Variants in NCKAP5 observed in about 807,000 individuals in gnomAD.
NCKAP5 encodes the protein nck-associated protein 5.
NCKAP5 carries 92 observed loss-of-function variants against 167.0 expected under a neutral mutation model. The observed-to-expected ratio is 0.55, with a 90% CI of 0.47 to 0.66. The LOEUF is 0.66. Ranked by LOEUF, NCKAP5 falls within the 30% of genes least tolerant of loss-of-function variation. The pLI is 0.00. For synonymous variants in NCKAP5, 891 were observed against 877.4 expected (o/e 1.02, Z -0.27); for missense variants, 2,378 against 2,315.0 (o/e 1.03, Z -0.56).
intron 6 of NCKAP5, among the ~76,000 whole-genome samples, chr2:132,997,804 G>GAA (rs200708394): frequency 2.3e-4 from 34 of 148,390 alleles, no homozygotes; most frequent in African/African-American, 4.9e-4. Flanking sequence ...AAGCTTATGT[G>GAA]AAAAAAAAAA....
the NCKAP5 span, among the ~76,000 whole-genome samples, chr2:133,630,807 A>G: frequency 6.6e-6 from 1 of 152,188 alleles, no homozygotes; most frequent in Non-Finnish European, 1.5e-5. Context: ...CAGACCAGAA[A>G]AACAGATTCT....
intron 6 of NCKAP5, among the ~76,000 whole-genome samples, chr2:133,034,260 C>A (rs1051904750): frequency 2.0e-5 from 3 of 152,056 alleles, no homozygotes; most frequent in African/African-American, 7.2e-5. Flanking sequence ...AATAGTATAT[C>A]CATTGAAAAT....
intron 6 of NCKAP5, among the ~76,000 whole-genome samples, chr2:133,069,451 C>T (rs2080312775): frequency 6.6e-6 from 1 of 152,204 alleles, no homozygotes; most frequent in Admixed American, 6.5e-5. Flanking sequence ...ATGTTCCGGA[C>T]TTTCCCCTCT....
rs962576317 is a variant in NCKAP5, at chr2:133,192,598, G to A, written c.207+21118C>T. 2.6e-5 allele frequency among the ~76,000 whole-genome samples: 4 copies of A among 151,858 alleles called. 1 individual carries two copies. The highest frequency in any genetic ancestry group is 4.2e-4 in the South Asian group (2 of 4,792). On this transcript the variant is annotated intron_variant, in intron 5 of 19. Coordinates refer to ENST00000409261, the MANE Select transcript of NCKAP5 (RefSeq NM_207363.3). Reference sequence around the variant, plus strand: ...AATTAGAAAACGGGCAAAAAGACATGTAGAGACATTTCAAAGATTATACAC... The same window carrying A: ...AATTAGAAAACGGGCAAAAAGACATATAGAGACATTTCAAAGATTATACAC...
intron 3 of NCKAP5, among the ~76,000 whole-genome samples, chr2:133,325,472 G>A (rs772987653): frequency 3.3e-5 from 5 of 152,162 alleles, no homozygotes; most frequent in Non-Finnish European, 5.9e-5. Context: ...TCCATGTACT[G>A]CAACTCATTT....
intron 4 of NCKAP5, among the ~76,000 whole-genome samples, chr2:133,222,685 G>A (rs1043294592): frequency 6.6e-6 from 1 of 150,888 alleles, no homozygotes; most frequent in Non-Finnish European, 1.5e-5. Context: ...GAGGCTCCTG[G>A]TCAACATTGC....
intron 3 of NCKAP5, among the ~76,000 whole-genome samples, chr2:133,398,406 C>A (rs1687892230): frequency 6.6e-6 from 1 of 152,096 alleles, no homozygotes; most frequent in African/African-American, 2.4e-5. Context: ...ACGTTCTGCT[C>A]ATGTCTCTTA....
chr2:132,913,915 A>T (rs1694655368), intron 8 of NCKAP5, among the ~76,000 whole-genome samples: 1 of 152,146 alleles, frequency 6.6e-6, no homozygotes, highest in Non-Finnish European at 1.5e-5. Flanking sequence ...AAAATAATGG[A>T]ATTCAGATTT....
chr2:133,363,135 G>T (rs893859072), intron 3 of NCKAP5, among the ~76,000 whole-genome samples: 1 of 152,070 alleles, frequency 6.6e-6, no homozygotes, highest in Admixed American at 6.5e-5. Context: ...ATTTTGTGAG[G>T]TAAAATTGAG....
Position 133,180,320 on chromosome 2 carries a change from G to GT in NCKAP5, c.207+33395dup, listed in dbSNP as rs57925889. Among the ~76,000 whole-genome samples the GT allele has an allele frequency of 1.1e-3, 163 of 150,832 alleles. 1 individual carries two copies. Among genetic ancestry groups the GT allele is most frequent in the Non-Finnish European group, 1.8e-3 (123 of 67,616 alleles). On this transcript the variant is annotated intron_variant, in intron 5 of 19. Coordinates refer to ENST00000409261, the MANE Select transcript of NCKAP5 (RefSeq NM_207363.3). ...TTATCCTAAAAGAATGATTAAAGAC[G>GT]TTTTTTTTTCCTTTTCTTTTCTTTC...
At chr2:132,730,847 C>T (rs558993744) in intron 17 of NCKAP5, among the ~76,000 whole-genome samples, 11 of 152,284 alleles carry the variant, frequency 7.2e-5, no homozygotes, top group East Asian at 1.9e-4. Flanking sequence ...AAGTTTGTGA[C>T]GCAACATTCG....
intron 3 of NCKAP5, among the ~76,000 whole-genome samples, chr2:133,357,471 C>A (rs1241899827): frequency 6.6e-6 from 1 of 152,112 alleles, no homozygotes; most frequent in East Asian, 1.9e-4. Context: ...AGAATAATTT[C>A]TGTAATACAA....
the NCKAP5 span, among the ~76,000 whole-genome samples, chr2:133,640,240 A>G: frequency 2.0e-5 from 3 of 152,180 alleles, no homozygotes; most frequent in African/African-American, 7.2e-5. Flanking sequence ...CCTTTACTAT[A>G]TTATTCTATA....
chr2:132,779,116 T>C (rs1682798683), intron 15 of NCKAP5, among the ~76,000 whole-genome samples: 1 of 152,222 alleles, frequency 6.6e-6, no homozygotes, highest in African/African-American at 2.4e-5. Context: ...CGTTAGGGAA[T>C]CTTTGTACTT....
chr2:132,978,811 T>G (rs551595067), intron 7 of NCKAP5, among the ~76,000 whole-genome samples: 2 of 152,328 alleles, frequency 1.3e-5, no homozygotes, highest in Admixed American at 1.3e-4. Flanking sequence ...CTTTATAGAC[T>G]TCTGCCCACA....
At chr2:133,465,375 A>C (rs1246546999) in intron 3 of NCKAP5, among the ~76,000 whole-genome samples, 2 of 151,890 alleles carry the variant, frequency 1.3e-5, no homozygotes, top group African/African-American at 4.8e-5. Context: ...TCCATGGTGT[A>C]TATGTGCCAC....
At chr2:132,676,695 G>T (rs189022292) in intron 19 of NCKAP5, among the ~76,000 whole-genome samples, 48 of 152,224 alleles carry the variant, frequency 3.2e-4, no homozygotes, top group Middle Eastern at 6.8e-3. Flanking sequence ...GCAACTATAC[G>T]TGAAAGTGCT....
intron 3 of NCKAP5, among the ~76,000 whole-genome samples, chr2:133,464,175 C>A (rs933145243): frequency 2.0e-5 from 3 of 152,144 alleles, no homozygotes; most frequent in African/African-American, 4.8e-5. Flanking sequence ...GTTCAAAAAA[C>A]AGATGATTTT....
At chr2:132,830,359 TCTGGTGATTATG>T (rs942798351) in intron 11 of NCKAP5, among the ~76,000 whole-genome samples, 4 of 152,024 alleles carry the variant, frequency 2.6e-5, no homozygotes, top group African/African-American at 9.7e-5. Flanking sequence ...CACTGGTGTT[TCTGGTGATTATG>T]CTCAGAGTCT....
Sources: allele counts gnomAD v4.1 joint callset (sites outside exome capture counted in the v4.1 genomes callset), GRCh38; gene constraint gnomAD v4.1.1; transcripts MANE v1.5; gene names NCBI Gene and HGNC (gene_info 2026-07-23, HGNC 2026-07-21).